Variants in MBLAC2 observed in about 807,000 individuals in gnomAD.
The protein encoded by MBLAC2 is acyl-coenzyme A thioesterase MBLAC2.
In MBLAC2, 24 loss-of-function variants were observed where a neutral mutation model predicts 23.3. The ratio of observed to expected loss-of-function variants is 1.03; its 90% CI spans 0.75 to 1.45. MBLAC2 has a LOEUF of 1.45. MBLAC2 is among the 40% of genes most tolerant of loss of function. MBLAC2 has a pLI of 0.00. For synonymous variants in MBLAC2, 162 were observed against 150.9 expected, an observed-to-expected ratio of 1.07 and a Z score of -0.54; for missense variants, 358 against 370.0, an observed-to-expected ratio of 0.97 and a Z score of 0.27.
intron 1 of MBLAC2, among the ~76,000 whole-genome samples, chr5:90,467,186 A>G (rs1750463011): frequency 1.3e-5 from 2 of 152,154 alleles, no homozygotes; most frequent in African/African-American, 4.8e-5. Flanking sequence ...GTAAATATCT[A>G]TTAAGTCCAT....
chr5:90,468,519 T>C (rs1484097528), intron 1 of MBLAC2, among the ~76,000 whole-genome samples: 2 of 152,180 alleles, frequency 1.3e-5, no homozygotes, highest in Admixed American at 1.3e-4. Flanking sequence ...TGAATTTCTC[T>C]AAATATGTCC....
intron 1 of MBLAC2, 163 bp downstream of exon 1, chr5:90,473,676 G>T: frequency 1.3e-6 from 1 of 747,264 alleles, no homozygotes. Context: ...CTTGACTCTG[G>T]TCAAGTGGGT....
rs149682226 is a variant in MBLAC2 at position 90,474,455 on chromosome 5, A to C, written c.-163T>G. ...GGGATGCGGGGGTCGGAATAGGAGG[A>C]GGAAGGACGCAGACCGACGCTGCCC... On this transcript the variant is annotated 5_prime_UTR_variant, in exon 1 of 2. Transcript: ENST00000316610. 8 of 657,604 alleles carry C rather than the reference A, an allele frequency of 1.2e-5. No homozygotes were observed. The highest frequency in any genetic ancestry group is 1.6e-5 in the Non-Finnish European group (6 of 382,972). 40.7% of individuals were successfully genotyped at this position (657,604 alleles called of 1,614,324 possible).
chr5:90,470,783 C>CA (rs947528874), intron 1 of MBLAC2, among the ~76,000 whole-genome samples: 2 of 150,138 alleles, frequency 1.3e-5, no homozygotes, highest in African/African-American at 4.9e-5. Context: ...CACACACACA[C>CA]ACGCTTTCTT....
chr5:90,470,609 C>A (rs1457205323), intron 1 of MBLAC2, among the ~76,000 whole-genome samples: 1 of 152,110 alleles, frequency 6.6e-6, no homozygotes, highest in African/African-American at 2.4e-5. Flanking sequence ...CTTAGTCTTT[C>A]TTCTAGGAGG....
chr5:90,468,860 T>G (rs1195251429), intron 1 of MBLAC2, among the ~76,000 whole-genome samples: 1 of 152,076 alleles, frequency 6.6e-6, no homozygotes, highest in Non-Finnish European at 1.5e-5. Flanking sequence ...AAATGGAAAT[T>G]TAAAAATTCT....
At chr5:90,468,209 T>C (rs1750482357) in intron 1 of MBLAC2, among the ~76,000 whole-genome samples, 1 of 152,202 alleles carries the variant, frequency 6.6e-6, no homozygotes, top group Non-Finnish European at 1.5e-5. Context: ...TCAGGTGTTC[T>C]TTGAGCTTCT....
intron 1 of MBLAC2, among the ~76,000 whole-genome samples, chr5:90,467,986 A>G (rs1750478475): frequency 6.6e-6 from 1 of 152,238 alleles, no homozygotes; most frequent in Non-Finnish European, 1.5e-5. Flanking sequence ...CACTGGATAC[A>G]AAATTATTGG....
chr5:90,467,032 G>A (rs1469076336), intron 1 of MBLAC2, among the ~76,000 whole-genome samples: 1 of 152,214 alleles, frequency 6.6e-6, no homozygotes, highest in Non-Finnish European at 1.5e-5. Flanking sequence ...AGCTACTCAG[G>A]AGGCTGAGGC....
rs771397703 is a variant in MBLAC2 at position 90,474,117 on chromosome 5, G to A, written c.176C>T (p.Ser59Phe). Residue 59 changes from serine (S) to phenylalanine (F), a missense_variant, in exon 1 of 2, where the codon TCC (serine) becomes TTC (phenylalanine). By Grantham distance (155) the Ser-to-Phe change is radical. Coordinates refer to ENST00000316610, the MANE Select transcript of MBLAC2 (RefSeq NM_203406.2). ...CTCTCGGTCCTGCAAGAGGCCGGAG[G>A]AGTACAGGTACTCCGGGAGGCTGCG... ...GLRSLPEYLY[S>F]SGLLQDREAK... 1.9e-6 allele frequency: 3 copies of A among 1,581,660 alleles called. No homozygotes were observed. The highest frequency in any genetic ancestry group is 2.3e-5 in the East Asian group (1 of 43,476).
At chr5:90,467,752 G>A (rs924950113) in intron 1 of MBLAC2, among the ~76,000 whole-genome samples, 1 of 146,118 alleles carries the variant, frequency 6.8e-6, no homozygotes, top group Non-Finnish European at 1.5e-5. Context: ...TTTTGGGGGG[G>A]GCGGTTTGTT....
At chr5:90,472,319 A>AT (rs1419865544) in intron 1 of MBLAC2, 2 of 152,214 alleles carry the variant, frequency 1.3e-5, no homozygotes, top group African/African-American at 4.8e-5. Context: ...AAAAGTACCC[A>AT]TTTTTATCAA....
chr5:90,468,470 G>T (rs1295101913), intron 1 of MBLAC2, among the ~76,000 whole-genome samples: 1 of 151,578 alleles, frequency 6.6e-6, no homozygotes, highest in East Asian at 1.9e-4. Context: ...TCTTTCTTCT[G>T]CTTGTTTGAT....
At chr5:90,462,357 T>C (rs1750381598) in intron 1 of MBLAC2, among the ~76,000 whole-genome samples, 1 of 152,136 alleles carries the variant, frequency 6.6e-6, no homozygotes, top group Non-Finnish European at 1.5e-5. Flanking sequence ...TAATCTCTAG[T>C]GCAAGCACAT....
chr5:90,473,674 T>C, intron 1 of MBLAC2, 165 bp downstream of exon 1: 2 of 739,530 alleles, frequency 2.7e-6, no homozygotes, highest in South Asian at 1.5e-5. Context: ...GCCTTGACTC[T>C]GGTCAAGTGG....
chr5:90,467,754 C>G (rs13436823), intron 1 of MBLAC2, among the ~76,000 whole-genome samples: 42,187 of 102,864 alleles, frequency 0.41, 7,991 homozygotes, highest in African/African-American at 0.64. Flanking sequence ...TTGGGGGGGG[C>G]GGTTTGTTTG....
At chr5:90,473,711 G>T in intron 1 of MBLAC2, 128 bp downstream of exon 1, 1 of 906,490 alleles carries the variant, frequency 1.1e-6, no homozygotes, top group Non-Finnish European at 1.8e-6. Context: ...GGGTGAAACA[G>T]AAGTGGCTCT....
At chr5:90,473,322 T>A (rs918954250) in intron 1 of MBLAC2, 7 of 250,044 alleles carry the variant, frequency 2.8e-5, no homozygotes, top group African/African-American at 1.6e-4. Context: ...CGGATTGGAA[T>A]CACTGGTCTG....
Position 90,473,979 on chromosome 5 carries a change from G to A in MBLAC2, c.314C>T (p.Ala105Val). ...GTTGTCCCCGCGAGCCAGCGCCTCG[G>A]CCTCGGCGTGGTGCACTGCCACGCG... is the stretch of plus-strand genomic sequence containing the variant. ...FDRVAVHHAE[A>V]EALARGDNFE... Residue 105 changes from alanine (A) to valine (V), a missense_variant, in exon 1 of 2, where the codon GCC (alanine) becomes GTC (valine). Transcript: ENST00000316610. 3 of 1,598,444 alleles carry A rather than the reference G, an allele frequency of 1.9e-6. No individual in the cohort carries two copies. The highest frequency in any genetic ancestry group is 2.6e-6 in the Non-Finnish European group (3 of 1,173,628).
Sources: allele counts gnomAD v4.1 joint callset (sites outside exome capture counted in the v4.1 genomes callset), GRCh38; gene constraint gnomAD v4.1.1; transcripts MANE v1.5; gene names NCBI Gene and HGNC (gene_info 2026-07-23, HGNC 2026-07-21).